Variants in SPEF2 observed in about 807,000 individuals in gnomAD.
The protein encoded by SPEF2 is sperm flagella and cilia-associated protein 2.
SPEF2 carries 187 observed loss-of-function variants against 224.6 expected under a neutral mutation model. That is an observed-to-expected ratio of 0.83 (90% CI 0.74 to 0.94). The LOEUF (loss-of-function observed/expected upper bound fraction) is 0.94, where lower values mean the gene tolerates loss of function less well. SPEF2 is among the 40% of genes least tolerant of loss of function. SPEF2 has a pLI of 0.00. For missense variants in SPEF2, 2,170 were observed against 2,135.6 expected, an observed-to-expected ratio of 1.02 and a Z score of -0.32; for synonymous variants, 715 against 707.3, an observed-to-expected ratio of 1.01 and a Z score of -0.17.
intron 30 of SPEF2, chr5:35,788,225 G>C (rs1755446938): frequency 1.4e-6 from 1 of 702,836 alleles, no homozygotes; most frequent in Non-Finnish European, 2.6e-6. Context: ...CATGAGCAAA[G>C]TAACCCTCGG....
In SPEF2 at chr5:35,654,564, AGCAGGCCAG is replaced by A. The variant is rs1294418458; in HGVS notation, c.817_825del (p.Ala273_Gln275del). Reference sequence around the variant, plus strand: ...GTGCATCCAAGACTTCTTTAGATACAGCAGGCCAGACAACCACCGATTTGTTAAATACTT... The same window carrying A: ...GTGCATCCAAGACTTCTTTAGATACAACAACCACCGATTTGTTAAATACTT... On this transcript the variant is annotated inframe_deletion, in exon 7 of 37. Transcript: ENST00000356031. 1.2e-6 allele frequency: 2 copies of A among 1,601,850 alleles called. No homozygotes were observed. The highest frequency in any genetic ancestry group is 1.7e-6 in the Non-Finnish European group (2 of 1,177,028).
intron 23 of SPEF2, among the ~76,000 whole-genome samples, chr5:35,750,685 C>A (rs969738041): frequency 9.9e-5 from 15 of 151,680 alleles, no homozygotes; most frequent in Admixed American, 5.9e-4. Context: ...ATGAAAAAAA[C>A]CAAAAACCAG....
chr5:35,677,322 A>G (rs992624409), intron 10 of SPEF2, among the ~76,000 whole-genome samples: 1 of 152,150 alleles, frequency 6.6e-6, no homozygotes, highest in Non-Finnish European at 1.5e-5. Flanking sequence ...GTAGGCTACC[A>G]CCTCACTGAT....
At chr5:35,650,691 C>T (rs9292596) in intron 6 of SPEF2, among the ~76,000 whole-genome samples, 90,210 of 151,428 alleles carry the variant, frequency 0.6, 27,416 homozygotes, top group East Asian at 0.74. Context: ...CACCAGTATC[C>T]ATGTCTATTG....
intron 30 of SPEF2, among the ~76,000 whole-genome samples, chr5:35,784,364 G>A (rs1291281445): frequency 2.0e-5 from 3 of 152,210 alleles, no homozygotes; most frequent in South Asian, 2.1e-4. Flanking sequence ...TCCTGACCTC[G>A]CGATCCGCCC....
In SPEF2 at chr5:35,692,684, A is replaced by ATC. The variant is rs1754698996; in HGVS notation, c.1860_1861insCT (p.Ala621LeufsTer59). The stretch of plus-strand genomic sequence containing the variant: ...CCAATTCAGAAAAATGATGAAGAAG[A>ATC]TGCTCTACCAGTTCTGCAAGAGGAG... On this transcript the variant is annotated frameshift_variant, in exon 12 of 37. Transcript: ENST00000356031. LOFTEE classifies it high-confidence loss of function. 1.9e-6 allele frequency: 3 copies of ATC among 1,613,796 alleles called. No homozygotes were observed. The East Asian group carries it at 6.7e-5, about 36-fold the overall frequency.
Position 35,667,070 on chromosome 5 carries a change from A to G in SPEF2, c.1168-2A>G. ...CTTAAAAATATGTTTTTGCCTTTTT[A>G]GGCTTTGGCAAAACAAGCCAAGATT... On this transcript the variant is annotated splice_acceptor_variant, in intron 8 of 36. Transcript: ENST00000356031. LOFTEE classifies it high-confidence loss of function. 1.9e-6 allele frequency: 3 copies of G among 1,594,340 alleles called. No individual in the cohort carries two copies. The highest frequency in any genetic ancestry group is 8.5e-7 in the Non-Finnish European group (1 of 1,174,664).
At chr5:35,710,696 GTATC>G (rs1231625674) in intron 19 of SPEF2, 3 of 985,256 alleles carry the variant, frequency 3.0e-6, no homozygotes, top group African/African-American at 1.7e-5. Flanking sequence ...CCAGTCAAGA[GTATC>G]TATGTATTTG....
intron 23 of SPEF2, among the ~76,000 whole-genome samples, chr5:35,752,346 T>C (rs1749791864): frequency 2.0e-5 from 3 of 152,172 alleles, no homozygotes; most frequent in Admixed American, 2.0e-4. Context: ...TGAGGTGCAG[T>C]GGTGAAGTCA....
At chr5:35,651,851 C>A (rs1186007676) in intron 6 of SPEF2, among the ~76,000 whole-genome samples, 3 of 152,180 alleles carry the variant, frequency 2.0e-5, no homozygotes, top group Admixed American at 6.5e-5. Flanking sequence ...ATGTCTCATG[C>A]CAGCAATGCA....
Position 35,751,035 on chromosome 5 carries a change from ACACATATG to A in SPEF2, c.3331-2588_3331-2581del, listed in dbSNP as rs1406157470. ...TACGTATATATATACGTATATATAT[ACACATATG>A]TATATATATATACGTATATATATGT... On this transcript the variant is annotated intron_variant, in intron 23 of 36. Transcript: ENST00000356031. Among the ~76,000 whole-genome samples the A allele has an allele frequency of 8.0e-4, 73 of 91,790 alleles. 4 individuals are homozygous for A. Among genetic ancestry groups the A allele is most frequent in the African/African-American group, 2.3e-3 (54 of 23,460 alleles). The allele number at this position is 91,790 out of a possible 152,430, so 60.2% of individuals were successfully genotyped here. A position where few individuals can be genotyped will look rare whatever the true frequency, so the allele number is the denominator to read the frequency against.
In SPEF2 at chr5:35,692,673, T is replaced by G; in HGVS notation, c.1848T>G (p.Asn616Lys). The G allele has an allele frequency of 6.2e-7, 1 of 1,613,382 alleles. No homozygotes were observed. The highest frequency in any genetic ancestry group is 8.5e-7 in the Non-Finnish European group (1 of 1,179,756). The change falls in exon 12 of 37, where the codon AAT (asparagine) becomes AAG (lysine). Residue 616 changes from asparagine (N) to lysine (K), a missense_variant. Transcript: ENST00000356031. ...KVSEVLPIQK[N>K]DEEDALPVLQ... ...GTGAGGTTCTACCAATTCAGAAAAA[T>G]GATGAAGAAGATGCTCTACCAGTTC...
At chr5:35,658,973 G>T in intron 7 of SPEF2, 46 bp from the exon 8 acceptor site, 1 of 1,440,426 alleles carries the variant, frequency 6.9e-7, no homozygotes, top group Non-Finnish European at 9.2e-7. Flanking sequence ...AGCTCAGCGG[G>T]AAATTTGGAC....
At chr5:35,743,609 C>T (rs1477334170) in intron 23 of SPEF2, among the ~76,000 whole-genome samples, 1 of 152,032 alleles carries the variant, frequency 6.6e-6, no homozygotes, top group East Asian at 1.9e-4. Flanking sequence ...TGACCAAACT[C>T]ATTAGATTTA....
At chr5:35,695,496 G>A (rs1755177769) in intron 13 of SPEF2, among the ~76,000 whole-genome samples, 1 of 152,052 alleles carries the variant, frequency 6.6e-6, no homozygotes, top group Admixed American at 6.6e-5. Context: ...AAGGGAGCAG[G>A]GAAGGGAGGG....
intron 2 of SPEF2, among the ~76,000 whole-genome samples, chr5:35,641,071 AC>A (rs1342560777): frequency 6.6e-6 from 1 of 152,194 alleles, no homozygotes; most frequent in Non-Finnish European, 1.5e-5. Context: ...TGATTCAAAA[AC>A]AAAAGATTTA....
intron 6 of SPEF2, among the ~76,000 whole-genome samples, chr5:35,650,113 T>C (rs1487085757): frequency 2.6e-5 from 4 of 152,226 alleles, no homozygotes; most frequent in Non-Finnish European, 1.5e-5. Context: ...GTACTAATTC[T>C]AAAGAAAAGC....
chr5:35,784,063 G>T (rs1420635896), intron 30 of SPEF2, among the ~76,000 whole-genome samples: 1 of 151,882 alleles, frequency 6.6e-6, no homozygotes, highest in Non-Finnish European at 1.5e-5. Flanking sequence ...TTTATTCAAG[G>T]CCTGTAACAT....
At chr5:35,814,272 T>C (rs1240893414) in intron 36 of SPEF2, among the ~76,000 whole-genome samples, 192 bp from the exon 37 acceptor site, 1 of 152,180 alleles carries the variant, frequency 6.6e-6, no homozygotes, top group South Asian at 2.1e-4. Context: ...TAGATAATTT[T>C]CCAAACATAC....
Sources: allele counts gnomAD v4.1 joint callset (sites outside exome capture counted in the v4.1 genomes callset), GRCh38; gene constraint gnomAD v4.1.1; transcripts MANE v1.5; gene names NCBI Gene and HGNC (gene_info 2026-07-23, HGNC 2026-07-21).